PREX1: variants seen among roughly 807,000 people sequenced by gnomAD.
PREX1 encodes the protein phosphatidylinositol 3,4,5-trisphosphate-dependent Rac exchanger 1 protein.
PREX1 carries 41 observed loss-of-function variants against 198.3 expected under a neutral mutation model. That is an observed-to-expected ratio of 0.21 (90% confidence interval 0.16 to 0.27). The LOEUF (loss-of-function observed/expected upper bound fraction) is 0.27. Among genes scored for constraint, PREX1 ranks in the 10% least tolerant of loss-of-function variants. The pLI, the probability that PREX1 is intolerant of heterozygous loss-of-function variation, is 1.00. For missense variants in PREX1, 1,620 were observed against 2,200.7 expected (o/e 0.74, Z 5.28); for synonymous variants, 843 against 887.2 (o/e 0.95, Z 0.89).
chr20:48,804,837 G>A (rs1194087218), intron 1 of PREX1, among the ~76,000 whole-genome samples: 2 of 152,152 alleles, frequency 1.3e-5, no homozygotes, highest in East Asian at 1.9e-4. Context: ...GAAGAGTGGC[G>A]TCAAGATGGC....
At chr20:48,864,392 A>C in the PREX1 span, among the ~76,000 whole-genome samples, 17 of 152,352 alleles carry the variant, frequency 1.1e-4, no homozygotes, top group Admixed American at 7.8e-4. Flanking sequence ...TAAATAAATG[A>C]ATCATATTTG....
chr20:48,749,129 C>T (rs1303049425), intron 1 of PREX1, among the ~76,000 whole-genome samples: 1 of 152,036 alleles, frequency 6.6e-6, no homozygotes, highest in Admixed American at 6.5e-5. Flanking sequence ...AGAGTCAGCA[C>T]CTAAGGGAGA....
intron 10 of PREX1, among the ~76,000 whole-genome samples, chr20:48,685,441 G>A (rs546684523): frequency 6.6e-6 from 1 of 152,354 alleles, no homozygotes; most frequent in East Asian, 1.9e-4. Context: ...CCAGCACTGT[G>A]CTGCACACGT....
chr20:48,888,015 T>C, the PREX1 span, among the ~76,000 whole-genome samples: 3 of 152,200 alleles, frequency 2.0e-5, no homozygotes, highest in Admixed American at 2.0e-4. Context: ...CCAAGCACTG[T>C]GGGTCACACC....
At chr20:48,808,123 G>A (rs2090420156) in intron 1 of PREX1, among the ~76,000 whole-genome samples, 3 of 152,150 alleles carry the variant, frequency 2.0e-5, no homozygotes, top group Admixed American at 1.3e-4. Context: ...TCTGTGTGTG[G>A]GGATGGAGAG....
chr20:48,837,536 G>A, the PREX1 span, among the ~76,000 whole-genome samples: 2 of 152,312 alleles, frequency 1.3e-5, no homozygotes, highest in Non-Finnish European at 2.9e-5. Context: ...GGACGGAGCT[G>A]TAGGCCATTA....
chr20:48,648,785 T>C (rs1352368932), intron 25 of PREX1, among the ~76,000 whole-genome samples: 2 of 152,162 alleles, frequency 1.3e-5, no homozygotes, highest in Non-Finnish European at 1.5e-5. Flanking sequence ...AAGGTGCCAT[T>C]GAACCACCCT....
chr20:48,783,385 G>A (rs1378678324), intron 1 of PREX1, among the ~76,000 whole-genome samples: 1 of 151,768 alleles, frequency 6.6e-6, no homozygotes, highest in African/African-American at 2.4e-5. Flanking sequence ...GAGAGAGAGA[G>A]GGAGGAACCA....
chr20:48,642,965 T>C (rs995340226), intron 27 of PREX1, among the ~76,000 whole-genome samples: 3 of 152,210 alleles, frequency 2.0e-5, no homozygotes, highest in African/African-American at 7.2e-5. Flanking sequence ...TTAATTGAAG[T>C]ATAATTAAAA....
chr20:48,803,038 C>T (rs2090394634), intron 1 of PREX1, among the ~76,000 whole-genome samples: 1 of 152,158 alleles, frequency 6.6e-6, no homozygotes, highest in Admixed American at 6.5e-5. Context: ...CATCTCAGGC[C>T]CTACTCCAGA....
intron 14 of PREX1, among the ~76,000 whole-genome samples, chr20:48,671,104 C>A (rs996290070): frequency 7.2e-5 from 11 of 152,172 alleles, no homozygotes; most frequent in South Asian, 2.1e-4. Context: ...AGAAATGAAT[C>A]CCGAGGAATT....
chr20:48,639,044 C>T (rs1568794880), intron 30 of PREX1, among the ~76,000 whole-genome samples: 1 of 152,260 alleles, frequency 6.6e-6, no homozygotes, highest in Non-Finnish European at 1.5e-5. Context: ...CCTGGTCAAA[C>T]ATCTCCCTCG....
In PREX1 at chr20:48,786,921, A is replaced by C. The variant is rs79377859; in HGVS notation, c.220-39041T>G. Among the ~76,000 whole-genome samples the C allele has an allele frequency of 5.2e-3, 792 of 151,384 alleles. 5 individuals carry two copies. The highest frequency in any genetic ancestry group is 8.0e-3 in the African/African-American group (332 of 41,250). Reference sequence around the variant, plus strand: ...AGGTGGAGGGGAGGGAAAGAGGAGGAGGCGTGGGAAGGACAAGAGGTCACA... The same window carrying C: ...AGGTGGAGGGGAGGGAAAGAGGAGGCGGCGTGGGAAGGACAAGAGGTCACA... On this transcript the variant is annotated intron_variant, in intron 1 of 39. Transcript: ENST00000371941.
chr20:48,698,363 G>A (rs1268199524), intron 7 of PREX1, among the ~76,000 whole-genome samples: 4 of 152,214 alleles, frequency 2.6e-5, no homozygotes, highest in Middle Eastern at 3.2e-3. Context: ...GGCCTAAAGG[G>A]ACGTTCTGTT....
chr20:48,862,476 G>A, the PREX1 span, among the ~76,000 whole-genome samples: 1 of 152,056 alleles, frequency 6.6e-6, no homozygotes, highest in Non-Finnish European at 1.5e-5. Context: ...CCATTTTACA[G>A]AGAAGAAAAC....
intron 5 of PREX1, among the ~76,000 whole-genome samples, chr20:48,722,896 G>A (rs1457917325): frequency 2.0e-5 from 3 of 152,250 alleles, no homozygotes; most frequent in Admixed American, 1.3e-4. Context: ...CGACACAGAT[G>A]TGTGCATCAC....
Position 48,659,594 on chromosome 20 carries a change from G to A in PREX1, c.1881+325C>T, listed in dbSNP as rs143574163. Among the ~76,000 whole-genome samples the A allele has an allele frequency of 1.1e-4, 16 of 152,122 alleles. 1 individual carries two copies. In the East Asian group the frequency reaches 2.3e-3, roughly 22 times the overall value. ...GTCTTGACTGCCTGCTGCAGGCCACGCGTTAAGATGGGGGCTGCTGTGGGG... is the reference window on the plus strand; with the variant it reads ...GTCTTGACTGCCTGCTGCAGGCCACACGTTAAGATGGGGGCTGCTGTGGGG... On this transcript the variant is annotated intron_variant, in intron 16 of 39. Transcript: ENST00000371941.
chr20:48,815,928 C>T (rs981680336), intron 1 of PREX1, among the ~76,000 whole-genome samples: 7 of 150,396 alleles, frequency 4.7e-5, no homozygotes, highest in African/African-American at 1.2e-4. Context: ...GAGAATCGCT[C>T]GAACCTGGGA....
At chr20:48,846,157 C>T in the PREX1 span, among the ~76,000 whole-genome samples, 2 of 152,086 alleles carry the variant, frequency 1.3e-5, no homozygotes, top group East Asian at 3.9e-4. Context: ...CAGAAACTTG[C>T]CTACGGTCAC....
Sources: gnomAD v4.1 joint callset for allele counts (sites outside exome capture counted in the v4.1 genomes callset) on GRCh38, gnomAD v4.1.1 for gene constraint, MANE v1.5 for transcripts, NCBI Gene and HGNC (gene_info 2026-07-23, HGNC 2026-07-21) for gene names.